The following PKIA variants were observed in gnomAD, a reference collection of about 807,000 sequenced individuals.
PKIA encodes PKI-alpha.
A neutral mutation model predicts 7.6 loss-of-function variants in PKIA; 4 were observed. That is an observed-to-expected ratio of 0.52 (90% confidence interval 0.26 to 1.20). PKIA has a LOEUF of 1.20. Ranked by LOEUF, PKIA falls within the 50% of genes most tolerant of loss-of-function variation. PKIA has a pLI of 0.13. For missense variants in PKIA, 73 were observed against 86.2 expected, an observed-to-expected ratio of 0.85 and a Z score of 0.61; for synonymous variants, 21 against 30.7, an observed-to-expected ratio of 0.68 and a Z score of 1.04.
At chr8:78,550,006 A>G (rs1289394822) in intron 1 of PKIA, among the ~76,000 whole-genome samples, 1 of 152,130 alleles carries the variant, frequency 6.6e-6, no homozygotes, top group Non-Finnish European at 1.5e-5. Context: ...ATTGAGTAGA[A>G]CATTAGGCAA....
chr8:78,534,584 CT>C, intron 1 of PKIA: 1 of 152,078 alleles, frequency 6.6e-6, no homozygotes, highest in Admixed American at 6.6e-5. Context: ...ATCACATATA[CT>C]ATTCCAGGTA....
At chr8:78,557,045 C>G (rs1348967374) in intron 1 of PKIA, among the ~76,000 whole-genome samples, 2 of 152,076 alleles carry the variant, frequency 1.3e-5, no homozygotes, top group Non-Finnish European at 1.5e-5. Flanking sequence ...GCATATGTTA[C>G]CCTACTTGTC....
intron 3 of PKIA, among the ~76,000 whole-genome samples, chr8:78,601,038 C>T (rs936571775): frequency 6.6e-6 from 1 of 152,064 alleles, no homozygotes; most frequent in Non-Finnish European, 1.5e-5. Flanking sequence ...ACAGCTTGCA[C>T]TTATATAAAG....
rs58547049 is a variant in PKIA, at chr8:78,536,859, T to TACACACAC, written c.-157+20434_-157+20441dup. ...AACTTATCTGGGTAGCTAGAAAACATACACACACACACACACACACACACA... is the reference window on the plus strand; with the variant it reads ...AACTTATCTGGGTAGCTAGAAAACATACACACACACACACACACACACACACACACACA... On this transcript the variant is annotated intron_variant, in intron 1 of 3. Coordinates refer to ENST00000396418, the MANE Select transcript of PKIA (RefSeq NM_006823.4). Among the ~76,000 whole-genome samples, 288 of 136,126 alleles carry TACACACAC rather than the reference T, an allele frequency of 2.1e-3. 4 individuals carry two copies. The highest frequency in any genetic ancestry group is 0.012 in the East Asian group (54 of 4,390). The allele number at this position is 136,126 out of a possible 152,430, so 89.3% of individuals were successfully genotyped here. A position where few individuals can be genotyped will look rare whatever the true frequency, so the allele number is the denominator to read the frequency against.
intron 2 of PKIA, among the ~76,000 whole-genome samples, chr8:78,578,136 T>C (rs980317951): frequency 1.3e-5 from 2 of 152,016 alleles, no homozygotes; most frequent in Non-Finnish European, 2.9e-5. Context: ...TACTCAGTAA[T>C]CAGAAAACCT....
chr8:78,574,793 T>C lies in PKIA; in HGVS notation c.-28+1854T>C, dbSNP rs1183606536. On this transcript the variant is annotated intron_variant, in intron 2 of 3. Coordinates refer to ENST00000396418, the MANE Select transcript of PKIA (RefSeq NM_006823.4). ...ATGTACTTATCAATAAGCTACAAGA[T>C]TGTCTCCCACACCTTATTCTTTTCC... Among the ~76,000 whole-genome samples the C allele has an allele frequency of 2.6e-5, 4 of 152,040 alleles. No individual in the cohort carries two copies. The East Asian group carries it at 7.7e-4, about 29-fold the overall frequency.
chr8:78,581,667 G>A (rs1390906139), intron 2 of PKIA, among the ~76,000 whole-genome samples: 1 of 152,160 alleles, frequency 6.6e-6, no homozygotes, highest in African/African-American at 2.4e-5. Flanking sequence ...ATCTTTAAAG[G>A]TTTTAAGGCT....
intron 2 of PKIA, among the ~76,000 whole-genome samples, chr8:78,577,109 CT>C (rs969909165): frequency 1.3e-5 from 2 of 151,782 alleles, no homozygotes; most frequent in African/African-American, 2.4e-5. Flanking sequence ...TATGTTCTCA[CT>C]TTTTTTTAAT....
intron 2 of PKIA, among the ~76,000 whole-genome samples, chr8:78,584,875 G>A (rs561094752): frequency 2.4e-4 from 36 of 152,104 alleles, no homozygotes; most frequent in African/African-American, 8.4e-4. Context: ...TCCTCAGATG[G>A]ATTGGTTTTT....
chr8:78,518,392 AC>A (rs1323209659), intron 1 of PKIA, among the ~76,000 whole-genome samples: 2 of 152,240 alleles, frequency 1.3e-5, no homozygotes, highest in Non-Finnish European at 2.9e-5. Flanking sequence ...AAGATCAACA[AC>A]AAACCCTGTA....
chr8:78,569,246 G>A (rs1455716139), intron 1 of PKIA, among the ~76,000 whole-genome samples: 1 of 152,112 alleles, frequency 6.6e-6, no homozygotes, highest in Non-Finnish European at 1.5e-5. Flanking sequence ...TAAAGAAAGA[G>A]AGTTGACACT....
chr8:78,519,604 T>C (rs1319317526), intron 1 of PKIA, among the ~76,000 whole-genome samples: 1 of 152,210 alleles, frequency 6.6e-6, no homozygotes, highest in African/African-American at 2.4e-5. Flanking sequence ...AATGACCTCT[T>C]AATTGCCAGA....
intron 2 of PKIA, among the ~76,000 whole-genome samples, chr8:78,576,195 C>T (rs1374132302): frequency 6.6e-6 from 1 of 151,994 alleles, no homozygotes; most frequent in Non-Finnish European, 1.5e-5. Flanking sequence ...ATAATTCAGT[C>T]TCTAATAGTT....
intron 2 of PKIA, among the ~76,000 whole-genome samples, chr8:78,583,345 A>G (rs1807867626): frequency 6.6e-6 from 1 of 152,146 alleles, no homozygotes; most frequent in South Asian, 2.1e-4. Context: ...TGTAAAAATT[A>G]TGGCACTGAA....
At chr8:78,519,752 T>C (rs1809381322) in intron 1 of PKIA, among the ~76,000 whole-genome samples, 1 of 152,210 alleles carries the variant, frequency 6.6e-6, no homozygotes, top group African/African-American at 2.4e-5. Flanking sequence ...TTGTCACTAA[T>C]TCCCTTAAAG....
chr8:78,549,691 C>T (rs539309281), intron 1 of PKIA, among the ~76,000 whole-genome samples: 63 of 147,686 alleles, frequency 4.3e-4, no homozygotes, highest in Admixed American at 3.7e-3. Context: ...CTCAAGTTTG[C>T]TCACAATTCT....
At chr8:78,536,531 A>T (rs1806527874) in intron 1 of PKIA, among the ~76,000 whole-genome samples, 1 of 152,100 alleles carries the variant, frequency 6.6e-6, no homozygotes, top group Non-Finnish European at 1.5e-5. Flanking sequence ...TCCATAGTCT[A>T]AAAAGGTGCA....
chr8:78,556,594 CT>C (rs1458017260), intron 1 of PKIA: 1 of 152,084 alleles, frequency 6.6e-6, no homozygotes, highest in Non-Finnish European at 1.5e-5. Context: ...CAAAAACAGG[CT>C]GGCTCTAACA....
intron 1 of PKIA, among the ~76,000 whole-genome samples, chr8:78,572,027 AGGT>A (rs1807561886): frequency 6.6e-6 from 1 of 152,172 alleles, no homozygotes; most frequent in Admixed American, 6.6e-5. Flanking sequence ...ATTTGTGAAC[AGGT>A]GGTCTATAAC....
Sources: allele counts gnomAD v4.1 joint callset (sites outside exome capture counted in the v4.1 genomes callset), GRCh38; gene constraint gnomAD v4.1.1; transcripts MANE v1.5; gene names NCBI Gene and HGNC (gene_info 2026-07-23, HGNC 2026-07-21).